HS1BP3: variants seen among roughly 807,000 people sequenced by gnomAD.
The protein encoded by HS1BP3 is HCLS1 binding protein 3, also known as HCLS1-binding protein 3.
In HS1BP3, 32 loss-of-function variants were observed where a neutral mutation model predicts 33.5. That is an observed-to-expected ratio of 0.95 (90% CI 0.72 to 1.28). The LOEUF is 1.28. Ranked by LOEUF, HS1BP3 falls within the 50% of genes most tolerant of loss-of-function variation. HS1BP3 has a pLI of 0.00. For missense variants in HS1BP3, 486 were observed against 502.3 expected (o/e 0.97, Z 0.31); for synonymous variants, 187 against 209.2 (o/e 0.89, Z 0.92).
At chr2:20,576,907 T>C (rs141315522) in intron 5 of HS1BP3, among the ~76,000 whole-genome samples, 234 of 152,344 alleles carry the variant, frequency 1.5e-3, no homozygotes, top group African/African-American at 5.0e-3. Context: ...CCTAGTCATA[T>C]CCTTTTGGTC....
intron 5 of HS1BP3, among the ~76,000 whole-genome samples, chr2:20,583,061 C>T (rs1056296129): frequency 6.6e-6 from 1 of 152,188 alleles, no homozygotes; most frequent in Non-Finnish European, 1.5e-5. Context: ...GAACCAAGAC[C>T]CTCAGCCACC....
At chr2:20,587,724 C>A (rs755426654), downstream of HS1BP3, among the ~76,000 whole-genome samples, 2 of 151,340 alleles carry the variant, frequency 1.3e-5, no homozygotes, top group Non-Finnish European at 2.9e-5. Flanking sequence ...CCAGCCTGGG[C>A]GACAGAGCGA....
At chr2:20,584,821 G>A (rs1204488198) in intron 5 of HS1BP3, among the ~76,000 whole-genome samples, 3 of 152,184 alleles carry the variant, frequency 2.0e-5, no homozygotes, top group Non-Finnish European at 4.4e-5. Flanking sequence ...AGGGATGAGG[G>A]CTCTTCTCAA....
chr2:20,559,562 A>G (rs1692929955), downstream of HS1BP3, among the ~76,000 whole-genome samples: 1 of 149,634 alleles, frequency 6.7e-6, no homozygotes, highest in Non-Finnish European at 1.5e-5. Context: ...GGATGAATGG[A>G]GGTGGATGGG....
At chr2:20,597,602 CCT>C (rs1553317434) in intron 3 of HS1BP3, among the ~76,000 whole-genome samples, 1 of 152,098 alleles carries the variant, frequency 6.6e-6, no homozygotes, top group Non-Finnish European at 1.5e-5. Context: ...AGAAACCTCC[CCT>C]CTTACTGATT....
chr2:20,629,296 C>T lies in HS1BP3; in HGVS notation c.624-4404G>A, dbSNP rs1694897660. Among the ~76,000 whole-genome samples the T allele has an allele frequency of 3.3e-5, 5 of 152,192 alleles. No homozygotes were observed. In the South Asian group the frequency reaches 1.0e-3, roughly 32 times the overall value. ...ATCACTCGGGGGCCCCCTCAATCCT[C>T]TCCTCCCTGGTCCTCCTCCTCCTCC... On this transcript the variant is annotated intron_variant, in intron 4 of 6. Coordinates refer to ENST00000304031, the MANE Select transcript of HS1BP3 (RefSeq NM_022460.4).
chr2:20,650,375 T>C (rs1695654911), intron 1 of HS1BP3, among the ~76,000 whole-genome samples: 1 of 152,142 alleles, frequency 6.6e-6, no homozygotes, highest in African/African-American at 2.4e-5. Flanking sequence ...TTGGGCTGGG[T>C]CCTCCAGGTC....
downstream of HS1BP3, among the ~76,000 whole-genome samples, chr2:20,588,583 G>A (rs936376571): frequency 5.9e-5 from 9 of 152,108 alleles, no homozygotes; most frequent in African/African-American, 2.2e-4. Flanking sequence ...GCCTCCCAAA[G>A]CCGATTTTTC....
At chr2:20,565,011 G>A (rs1693091974) in intron 5 of HS1BP3, among the ~76,000 whole-genome samples, 3 of 152,200 alleles carry the variant, frequency 2.0e-5, no homozygotes, top group Admixed American at 6.5e-5. Context: ...TCAGGAAGTG[G>A]AGAGGGACAT....
At position 20,624,019 on chromosome 2, in the gene HS1BP3, A is replaced by C. The variant is rs760202439; in HGVS notation, c.797T>G (p.Phe266Cys). The change falls in exon 6 of 7, where the codon TTT (phenylalanine) becomes TGT (cysteine). Residue 266 changes from phenylalanine to cysteine, a missense_variant. Coordinates refer to ENST00000304031, the MANE Select transcript of HS1BP3 (RefSeq NM_022460.4). The stretch of plus-strand genomic sequence containing the variant: ...GGCCCCGCCGAGGTCAGGATCATCA[A>C]ATAGCTTCAGGGCTGTGGGAAGGCA... The part of the protein sequence containing the change: ...DVSSVDPLKL[F>C]DDPDLGGAIP... 1 of 1,611,976 alleles carries C rather than the reference A, an allele frequency of 6.2e-7. No homozygotes were observed. Among genetic ancestry groups the C allele is most frequent in the South Asian group, 1.1e-5 (1 of 90,992 alleles).
the HS1BP3 span, among the ~76,000 whole-genome samples, chr2:20,554,888 A>AC: frequency 6.6e-6 from 1 of 152,028 alleles, no homozygotes; most frequent in Non-Finnish European, 1.5e-5. Flanking sequence ...CTTAAAACCC[A>AC]CTGCCTTCAG....
chr2:20,557,591 A>T (rs774593698), downstream of HS1BP3, among the ~76,000 whole-genome samples: 10 of 152,198 alleles, frequency 6.6e-5, no homozygotes, highest in Non-Finnish European at 1.5e-4. Flanking sequence ...TAGAGAAGCC[A>T]TCCTTTATCT....
downstream of HS1BP3, among the ~76,000 whole-genome samples, chr2:20,614,746 T>C (rs1694386469): frequency 6.6e-6 from 1 of 152,246 alleles, no homozygotes; most frequent in African/African-American, 2.4e-5. Flanking sequence ...TGTGCTGAGT[T>C]GGCAGAGAAG....
intron 5 of HS1BP3, among the ~76,000 whole-genome samples, chr2:20,561,176 G>C (rs367798125): frequency 1.3e-5 from 2 of 152,170 alleles, no homozygotes; most frequent in African/African-American, 2.4e-5. Flanking sequence ...GTCCTGCCCA[G>C]TGCCCACTCC....
At chr2:20,554,582 G>T in the HS1BP3 span, among the ~76,000 whole-genome samples, 1 of 152,070 alleles carries the variant, frequency 6.6e-6, no homozygotes, top group Non-Finnish European at 1.5e-5. Flanking sequence ...AATTGGCCGG[G>T]CGTGGTGGTG....
chr2:20,563,263 C>T (rs905646616), intron 5 of HS1BP3, among the ~76,000 whole-genome samples: 2 of 152,226 alleles, frequency 1.3e-5, no homozygotes, highest in Non-Finnish European at 2.9e-5. Flanking sequence ...CTAAGACAGC[C>T]TCCAGTGCAC....
At chr2:20,638,387 G>C in intron 4 of HS1BP3, 49 bp downstream of exon 4, 3 of 1,549,616 alleles carry the variant, frequency 1.9e-6, no homozygotes, top group Non-Finnish European at 2.6e-6. Flanking sequence ...GTCATCTCCA[G>C]AAAGCCTGGA....
At chr2:20,582,971 C>T (rs1443855705) in intron 5 of HS1BP3, among the ~76,000 whole-genome samples, 2 of 152,148 alleles carry the variant, frequency 1.3e-5, no homozygotes, top group Non-Finnish European at 1.5e-5. Context: ...AGGCCCTGGG[C>T]CTGCCTGCAC....
chr2:20,630,280 G>GT (rs1183708804), intron 4 of HS1BP3, among the ~76,000 whole-genome samples: 2 of 152,018 alleles, frequency 1.3e-5, no homozygotes, highest in Admixed American at 6.6e-5. Flanking sequence ...GTTTTTGTTT[G>GT]TTTTTTTGAG....
Sources: allele counts gnomAD v4.1 joint callset (sites outside exome capture counted in the v4.1 genomes callset), GRCh38; gene constraint gnomAD v4.1.1; transcripts MANE v1.5; gene names NCBI Gene and HGNC (gene_info 2026-07-23, HGNC 2026-07-21).